The following PLCB1 variants were observed in gnomAD, a reference collection of about 807,000 sequenced individuals.
PLCB1 encodes the protein 1-phosphatidylinositol 4,5-bisphosphate phosphodiesterase beta-1.
In PLCB1, 46 loss-of-function variants were observed where a neutral mutation model predicts 161.8. The ratio of observed to expected loss-of-function variants is 0.28; its 90% CI spans 0.22 to 0.36. The LOEUF (loss-of-function observed/expected upper bound fraction) is 0.36, where lower values mean the gene tolerates loss of function less well. PLCB1 is among the 10% of genes least tolerant of loss of function. PLCB1 has a pLI of 1.00. For missense variants in PLCB1, 1,016 were observed against 1,472.5 expected, an observed-to-expected ratio of 0.69 and a Z score of 5.07; for synonymous variants, 517 against 503.7, an observed-to-expected ratio of 1.03 and a Z score of -0.35.
At chr20:8,799,749 A>G (rs1984197377) in intron 31 of PLCB1, among the ~76,000 whole-genome samples, 2 of 152,188 alleles carry the variant, frequency 1.3e-5, no homozygotes, top group African/African-American at 4.8e-5. Context: ...CTCCCCTCAG[A>G]TACCCAAATC....
rs765550076 is a variant in PLCB1, at chr20:8,697,675, C to T, written c.1059C>T (p.Leu353=). The T allele has an allele frequency of 2.0e-5, 33 of 1,614,074 alleles. No homozygotes were observed. The highest frequency in any genetic ancestry group is 2.7e-5 in the Non-Finnish European group (32 of 1,180,046). ...NSSVEMYRQV[L]LSGCRCVELD... is the part of the protein sequence containing the mutation. ...CTGTTGAGATGTATCGCCAAGTGCTCCTGTCTGGTTGTCGCTGTGTGGAGC... is the reference window on the plus strand; with the variant it reads ...CTGTTGAGATGTATCGCCAAGTGCTTCTGTCTGGTTGTCGCTGTGTGGAGC... Residue 353 remains leucine, a synonymous_variant, in exon 11 of 32, where the codon CTC becomes CTT. Transcript: ENST00000338037.
intron 19 of PLCB1, among the ~76,000 whole-genome samples, chr20:8,734,541 T>A (rs6039245): frequency 0.6 from 90,236 of 151,628 alleles, 27,867 homozygotes; most frequent in East Asian, 0.68. Context: ...TATATATACA[T>A]GTATGTCATA....
intron 27 of PLCB1, among the ~76,000 whole-genome samples, chr20:8,783,679 C>G (rs1479824469): frequency 6.6e-6 from 1 of 152,226 alleles, no homozygotes; most frequent in Non-Finnish European, 1.5e-5. Flanking sequence ...GCTGTCCAAA[C>G]TCTGCCCCTG....
intron 2 of PLCB1, among the ~76,000 whole-genome samples, chr20:8,308,879 G>T (rs1262205752): frequency 6.6e-6 from 1 of 152,084 alleles, no homozygotes; most frequent in African/African-American, 2.4e-5. Flanking sequence ...TGCCTTTGTA[G>T]TGTAGTTCAT....
chr20:8,831,240 A>G (rs1985965457), intron 31 of PLCB1: 1 of 157,692 alleles, frequency 6.3e-6, no homozygotes. Flanking sequence ...TCCAAGTAGC[A>G]TAGGGGAGCA....
chr20:8,352,219 A>G (rs572951406), intron 2 of PLCB1, among the ~76,000 whole-genome samples: 14 of 152,148 alleles, frequency 9.2e-5, no homozygotes, highest in Non-Finnish European at 1.9e-4. Context: ...GCTAAGTGAT[A>G]TAAGTCAGTC....
chr20:8,767,697 C>T lies in PLCB1; in HGVS notation c.2930+2339C>T, dbSNP rs80008638. Reference sequence around the variant, plus strand: ...TGTGGACACAGGGTCTGGCGGACCACAGGGGGCTTCCTCTCTTGAACCCTG... The same window carrying T: ...TGTGGACACAGGGTCTGGCGGACCATAGGGGGCTTCCTCTCTTGAACCCTG... On this transcript the variant is annotated intron_variant, in intron 26 of 31. Transcript: ENST00000338037. Among the ~76,000 whole-genome samples, 931 of 152,258 alleles carry T rather than the reference C, an allele frequency of 6.1e-3. 8 individuals carry two copies. Among genetic ancestry groups the T allele is most frequent in the African/African-American group, 0.022 (896 of 41,542 alleles).
chr20:8,621,244 G>A (rs915711146), intron 3 of PLCB1, among the ~76,000 whole-genome samples: 5 of 152,128 alleles, frequency 3.3e-5, no homozygotes, highest in African/African-American at 7.2e-5. Flanking sequence ...ACCCCTCAGG[G>A]CATGTGGATT....
At chr20:8,708,021 G>A (rs915074358) in intron 11 of PLCB1, among the ~76,000 whole-genome samples, 2 of 152,092 alleles carry the variant, frequency 1.3e-5, no homozygotes, top group Non-Finnish European at 2.9e-5. Flanking sequence ...TAGGTGTGTG[G>A]GGTGGGGTGC....
chr20:8,298,659 A>G (rs927461610), intron 2 of PLCB1, among the ~76,000 whole-genome samples: 2 of 151,986 alleles, frequency 1.3e-5, no homozygotes, highest in African/African-American at 4.8e-5. Context: ...TGAATATTTA[A>G]ATCTTGTTTT....
chr20:8,576,556 G>C (rs1986678302), intron 3 of PLCB1, among the ~76,000 whole-genome samples: 1 of 151,994 alleles, frequency 6.6e-6, no homozygotes, highest in South Asian at 2.1e-4. Context: ...TATACACATA[G>C]TCTCTCTTTA....
intron 31 of PLCB1, among the ~76,000 whole-genome samples, chr20:8,791,473 T>C (rs1440540643): frequency 1.3e-5 from 2 of 152,204 alleles, no homozygotes; most frequent in African/African-American, 4.8e-5. Context: ...TAATAATCAG[T>C]CTCAGGTGAT....
chr20:8,822,024 A>C (rs6056170), intron 31 of PLCB1, among the ~76,000 whole-genome samples: 3,782 of 150,502 alleles, frequency 0.025, 150 homozygotes, highest in African/African-American at 0.088. Flanking sequence ...AGTAGTTTCT[A>C]TCTTTTTTCC....
At chr20:8,803,231 G>A (rs1485672469) in intron 31 of PLCB1, among the ~76,000 whole-genome samples, 1 of 151,880 alleles carries the variant, frequency 6.6e-6, no homozygotes, top group Non-Finnish European at 1.5e-5. Flanking sequence ...GGATGTCTGA[G>A]TGGGGCCGGA....
chr20:8,180,010 C>T (rs1341211878), intron 2 of PLCB1, among the ~76,000 whole-genome samples: 4 of 151,362 alleles, frequency 2.6e-5, no homozygotes, highest in Non-Finnish European at 4.4e-5. Context: ...AGGTGCCCGC[C>T]ACTACGCCCG....
chr20:8,641,349 A>T (rs2123264668), intron 4 of PLCB1, among the ~76,000 whole-genome samples: 1 of 152,384 alleles, frequency 6.6e-6, no homozygotes, highest in South Asian at 2.1e-4. Flanking sequence ...AAAAGACATA[A>T]ATCATAAAGC....
intron 27 of PLCB1, among the ~76,000 whole-genome samples, chr20:8,775,740 G>A (rs766542449): frequency 3.3e-5 from 5 of 152,190 alleles, no homozygotes; most frequent in Non-Finnish European, 7.3e-5. Flanking sequence ...ATCACCTGGA[G>A]AGCTTGTTAG....
intron 3 of PLCB1, among the ~76,000 whole-genome samples, chr20:8,534,651 ATGT>A (rs1408618542): frequency 1.3e-3 from 194 of 152,258 alleles, no homozygotes; most frequent in African/African-American, 4.6e-3. Context: ...GAGAGCTGGG[ATGT>A]TGTCAGCAGG....
At chr20:8,222,458 A>G (rs1334508717) in intron 2 of PLCB1, among the ~76,000 whole-genome samples, 8 of 152,254 alleles carry the variant, frequency 5.3e-5, no homozygotes, top group Admixed American at 3.3e-4. Flanking sequence ...TTCATAGTTC[A>G]TGTCTAAGTA....
Sources: gnomAD v4.1 joint callset for allele counts (sites outside exome capture counted in the v4.1 genomes callset) on GRCh38, gnomAD v4.1.1 for gene constraint, MANE v1.5 for transcripts, NCBI Gene and HGNC (gene_info 2026-07-23, HGNC 2026-07-21) for gene names.